Variants in GSPT1 observed in about 807,000 individuals in gnomAD.
GSPT1 encodes the protein eukaryotic peptide chain release factor GTP-binding subunit ERF3A.
Under a neutral mutation model 72.5 loss-of-function variants are expected in GSPT1, and 20 were observed. The ratio of observed to expected loss-of-function variants is 0.28; its 90% CI spans 0.19 to 0.40. GSPT1 has a LOEUF of 0.40. Among genes scored for constraint, GSPT1 ranks in the 10% least tolerant of loss-of-function variants. GSPT1 has a pLI of 1.00. For missense variants in GSPT1, 580 were observed against 811.9 expected (o/e 0.71, Z 3.47); for synonymous variants, 334 against 293.5 (o/e 1.14, Z -1.41).
At chr16:11,895,533 A>C (rs1226914458) in intron 4 of GSPT1, 1 of 152,428 alleles carries the variant, frequency 6.6e-6, no homozygotes, top group Non-Finnish European at 1.5e-5. Flanking sequence ...ATTCCCCAAG[A>C]GAAGTTTCCA....
At position 11,869,569 on chromosome 16, in the gene GSPT1, T is replaced by C. The variant is rs187823788; in HGVS notation, c.*3550A>G. The C allele has an allele frequency of 1.3e-5, 2 of 152,214 alleles. No individual in the cohort carries two copies. Among genetic ancestry groups the C allele is most frequent in the Admixed American group, 6.5e-5 (1 of 15,272 alleles). 9.4% of individuals were successfully genotyped at this position (152,214 alleles called of 1,614,324 possible). ...AGCTATAGTGCTATAACCACATTTT[T>C]CACAAAGGGTTTTAAAGTTGAAAGT... On this transcript the variant is annotated 3_prime_UTR_variant, in exon 15 of 15. Coordinates refer to ENST00000434724, the MANE Select transcript of GSPT1 (RefSeq NM_002094.4).
At chr16:11,914,106 T>A (rs1418638799) in intron 1 of GSPT1, among the ~76,000 whole-genome samples, 1 of 152,238 alleles carries the variant, frequency 6.6e-6, no homozygotes, top group Non-Finnish European at 1.5e-5. Context: ...TCACTTAAAA[T>A]GCGCTGGATG....
intron 1 of GSPT1, among the ~76,000 whole-genome samples, chr16:11,903,241 T>C (rs553228286): frequency 6.6e-6 from 1 of 152,236 alleles, no homozygotes; most frequent in African/African-American, 2.4e-5. Flanking sequence ...CCAGGCACGG[T>C]GGCTCATGAC....
intron 9 of GSPT1, among the ~76,000 whole-genome samples, chr16:11,885,952 T>G (rs573416496): frequency 6.6e-6 from 1 of 152,132 alleles, no homozygotes; most frequent in Non-Finnish European, 1.5e-5. Context: ...TTATGGTCAT[T>G]TGATTTTCAA....
chr16:11,882,545 C>A, intron 11 of GSPT1: 1 of 152,600 alleles, frequency 6.6e-6, no homozygotes, highest in Admixed American at 6.5e-5. Context: ...GCAAAATCTC[C>A]ATCTGAAGGT....
chr16:11,892,292 A>G (rs33643), intron 5 of GSPT1, among the ~76,000 whole-genome samples: 69,519 of 150,778 alleles, frequency 0.46, 17,368 homozygotes, highest in East Asian at 0.76. Flanking sequence ...ACAGTAAGCT[A>G]TGATTCCACC....
At chr16:11,886,173 G>C (rs1321731400) in intron 9 of GSPT1, among the ~76,000 whole-genome samples, 2 of 151,116 alleles carry the variant, frequency 1.3e-5, no homozygotes, top group Non-Finnish European at 3.0e-5. Context: ...GTGAAAAAAG[G>C]CAATCCATAA....
intron 1 of GSPT1, among the ~76,000 whole-genome samples, chr16:11,913,174 G>A (rs1197139487): frequency 6.6e-6 from 1 of 152,106 alleles, no homozygotes; most frequent in African/African-American, 2.4e-5. Flanking sequence ...ATTGTTCTCC[G>A]ATGCTGGCTT....
At chr16:11,876,589 A>G (rs1283323550) in intron 12 of GSPT1, among the ~76,000 whole-genome samples, 1 of 152,132 alleles carries the variant, frequency 6.6e-6, no homozygotes, top group East Asian at 1.9e-4. Flanking sequence ...TAAAAATACA[A>G]AACAATCAGC....
intron 1 of GSPT1, among the ~76,000 whole-genome samples, chr16:11,904,457 C>T (rs2054462788): frequency 6.6e-6 from 1 of 152,116 alleles, no homozygotes; most frequent in Non-Finnish European, 1.5e-5. Context: ...CCGCCTTGGC[C>T]TCCTAAAGTG....
intron 1 of GSPT1, among the ~76,000 whole-genome samples, chr16:11,912,347 CA>C (rs57472965): frequency 0.82 from 90,449 of 110,600 alleles, 35,839 homozygotes; most frequent in East Asian, 0.89. Context: ...GACTCCGTCT[CA>C]AAAAAAAAAA....
At chr16:11,914,092 G>A (rs1428084873) in intron 1 of GSPT1, among the ~76,000 whole-genome samples, 2 of 152,168 alleles carry the variant, frequency 1.3e-5, no homozygotes, top group East Asian at 3.8e-4. Flanking sequence ...TCAACAATAT[G>A]TTCTCACTTA....
At chr16:11,915,011 T>C in intron 1 of GSPT1, 1 of 1,289,806 alleles carries the variant, frequency 7.8e-7, no homozygotes, top group Non-Finnish European at 1.0e-6. Flanking sequence ...TGGCTCCATC[T>C]GTCCTCATTC....
At chr16:11,873,791 G>A (rs1327948755) in intron 14 of GSPT1, among the ~76,000 whole-genome samples, 1 of 152,080 alleles carries the variant, frequency 6.6e-6, no homozygotes, top group Non-Finnish European at 1.5e-5. Flanking sequence ...GTTTCACCAT[G>A]TTGGCCAGGC....
chr16:11,875,035 A>G (rs939000470), intron 14 of GSPT1, among the ~76,000 whole-genome samples: 1 of 152,100 alleles, frequency 6.6e-6, no homozygotes, highest in Non-Finnish European at 1.5e-5. Context: ...ACAAAAATAC[A>G]AAAAATTAGC....
intron 1 of GSPT1, among the ~76,000 whole-genome samples, chr16:11,911,113 G>C (rs1389558443): frequency 1.3e-5 from 2 of 152,176 alleles, no homozygotes; most frequent in African/African-American, 2.4e-5. Flanking sequence ...CACTGTTCTT[G>C]CAGGCACTTC....
chr16:11,870,948 T>A lies in GSPT1; in HGVS notation c.*2171A>T, dbSNP rs1336991033. ...TTAGTAGCAAACATAACTTATTTTT[T>A]AAAAATGTGTTCTATTTAGAAAGGG... is the stretch of plus-strand genomic sequence containing the variant. On this transcript the variant is annotated 3_prime_UTR_variant, in exon 15 of 15. Coordinates refer to ENST00000434724, the MANE Select transcript of GSPT1 (RefSeq NM_002094.4). 17 of 152,190 alleles carry A rather than the reference T, an allele frequency of 1.1e-4. No individual in the cohort carries two copies. The highest frequency in any genetic ancestry group is 3.3e-4 in the Admixed American group (5 of 15,274). The allele number at this position is 152,190 out of a possible 1,614,324, so 9.4% of individuals were successfully genotyped here. A position where few individuals can be genotyped will look rare whatever the true frequency, so the allele number is the denominator to read the frequency against.
intron 10 of GSPT1, among the ~76,000 whole-genome samples, chr16:11,884,112 T>C (rs1429423304): frequency 1.3e-5 from 2 of 152,164 alleles, no homozygotes; most frequent in Middle Eastern, 3.2e-3. Flanking sequence ...ATTACATACA[T>C]TGATACCGCA....
At chr16:11,883,459 C>CGAAAAAAAAAA (rs1555504034) in intron 10 of GSPT1, among the ~76,000 whole-genome samples, 1 of 66,466 alleles carries the variant, frequency 1.5e-5, no homozygotes, top group African/African-American at 5.6e-5. Flanking sequence ...ACTAAAAATA[C>CGAAAAAAAAAA]AAAAAAAAAA....
Sources: allele counts gnomAD v4.1 joint callset (sites outside exome capture counted in the v4.1 genomes callset), GRCh38; gene constraint gnomAD v4.1.1; transcripts MANE v1.5; gene names NCBI Gene and HGNC (gene_info 2026-07-23, HGNC 2026-07-21).